The following SMAD1 variants were observed in gnomAD, a reference collection of about 807,000 sequenced individuals.
SMAD1 encodes SMAD family member 1, also known as MAD, mothers against decapentaplegic homolog 1.
In SMAD1, 6 loss-of-function variants were observed where a neutral mutation model predicts 41.6. The observed-to-expected ratio is 0.14, with a 90% CI of 0.08 to 0.28. SMAD1 has a LOEUF of 0.28. Among genes scored for constraint, SMAD1 ranks in the 10% least tolerant of loss-of-function variants. The pLI is 1.00. For synonymous variants in SMAD1, 206 were observed against 203.2 expected (o/e 1.01, Z -0.12); for missense variants, 379 against 582.6 (o/e 0.65, Z 3.60).
At position 145,539,908 on chromosome 4, in the gene SMAD1, A is replaced by G. The variant is rs1386781473; in HGVS notation, c.505A>G (p.Asn169Asp). The G allele has an allele frequency of 6.2e-7, 1 of 1,613,878 alleles. No homozygotes were observed. Among genetic ancestry groups the G allele is most frequent in the African/African-American group, 1.3e-5 (1 of 74,890 alleles). The change falls in exon 3 of 7, where the codon AAC (asparagine) becomes GAC (aspartate). Residue 169 changes from asparagine to aspartate, a missense_variant. Transcript: ENST00000302085. Reference protein sequence around the residue: ...LGQNEPHMPLNATFPDSFQQP... With the variant: ...LGQNEPHMPLDATFPDSFQQP... ...ACAAAATGAGCCTCACATGCCACTC[A>G]ACGCCACTTTTCCAGATTCTTTCCA...
In SMAD1 at chr4:145,482,249, C is replaced by T. The variant is rs1018682549; in HGVS notation, c.-177+211C>T. 6.6e-6 allele frequency among the ~76,000 whole-genome samples: 1 copy of T among 151,484 alleles called. No individual in the cohort carries two copies. Among genetic ancestry groups the T allele is most frequent in the Non-Finnish European group, 1.5e-5 (1 of 67,710 alleles). On this transcript the variant is annotated intron_variant, in intron 1 of 6. Coordinates refer to ENST00000302085, the MANE Select transcript of SMAD1 (RefSeq NM_005900.3). This position sits in a 1 kb window ranked among gnomAD's most constrained non-coding sequence, Gnocchi z 4.2. ...CCCCCCCCCCCCATGATGGCGCCTCCCGTCTGCTCGGAGGAGCGAACCTGC... is the reference window on the plus strand; with the variant it reads ...CCCCCCCCCCCCATGATGGCGCCTCTCGTCTGCTCGGAGGAGCGAACCTGC...
At chr4:145,556,956 G>A (rs764150038) in intron 6 of SMAD1, among the ~76,000 whole-genome samples, 1 of 152,154 alleles carries the variant, frequency 6.6e-6, no homozygotes, top group Non-Finnish European at 1.5e-5. Context: ...GGGATTACAG[G>A]TGTGAGCCAC....
At chr4:145,517,377 C>T (rs1007241613) in intron 2 of SMAD1, among the ~76,000 whole-genome samples, 11 of 152,152 alleles carry the variant, frequency 7.2e-5, no homozygotes, top group Admixed American at 7.2e-4. Flanking sequence ...AGGTCAGTTT[C>T]ATTGGGAAAC....
At chr4:145,481,000 G>A (rs944967324), upstream of SMAD1, among the ~76,000 whole-genome samples, 1 of 145,392 alleles carries the variant, frequency 6.9e-6, no homozygotes, top group Admixed American at 7.0e-5. Context: ...CAACATTATA[G>A]TAATTATGCA....
At chr4:145,523,112 G>C (rs780877010) in intron 2 of SMAD1, among the ~76,000 whole-genome samples, 2 of 152,190 alleles carry the variant, frequency 1.3e-5, no homozygotes, top group Non-Finnish European at 2.9e-5. Flanking sequence ...GCATTATGCC[G>C]TGTGTTCCTG....
chr4:145,492,844 A>G (rs1413029392), intron 1 of SMAD1, among the ~76,000 whole-genome samples: 1 of 152,212 alleles, frequency 6.6e-6, no homozygotes, highest in East Asian at 1.9e-4. Context: ...GCCCAAATAT[A>G]TATTTTACAG....
chr4:145,522,305 A>G (rs1730784275), intron 2 of SMAD1, among the ~76,000 whole-genome samples: 1 of 151,792 alleles, frequency 6.6e-6, no homozygotes, highest in Non-Finnish European at 1.5e-5. Flanking sequence ...TCTCAAAAAA[A>G]CAAACAAAAA....
intron 1 of SMAD1, among the ~76,000 whole-genome samples, chr4:145,488,115 A>G (rs181547391): frequency 1.2e-3 from 185 of 151,530 alleles, no homozygotes; most frequent in Non-Finnish European, 1.8e-3. Context: ...TGTTTGAAAA[A>G]GGAACTTTTT....
chr4:145,502,725 C>T (rs879586682), intron 1 of SMAD1, among the ~76,000 whole-genome samples: 1 of 152,220 alleles, frequency 6.6e-6, no homozygotes, highest in Admixed American at 6.5e-5. Context: ...TCCATAAGTT[C>T]CTTGCTTCCT....
intron 2 of SMAD1, among the ~76,000 whole-genome samples, chr4:145,534,311 T>C (rs1253114168): frequency 6.6e-6 from 1 of 152,274 alleles, no homozygotes; most frequent in Non-Finnish European, 1.5e-5. Flanking sequence ...CAGACCTTCC[T>C]ACATCTTCAG....
chr4:145,499,183 A>G (rs947698682), intron 1 of SMAD1, among the ~76,000 whole-genome samples: 13 of 152,232 alleles, frequency 8.5e-5, no homozygotes, highest in African/African-American at 2.9e-4. Flanking sequence ...CTATAGGTTG[A>G]GCGACCCTAA....
At chr4:145,491,519 G>A (rs1412026513) in intron 1 of SMAD1, among the ~76,000 whole-genome samples, 1 of 152,188 alleles carries the variant, frequency 6.6e-6, no homozygotes, top group Non-Finnish European at 1.5e-5. Flanking sequence ...TGGGGATGAT[G>A]TCTTCCTTTT....
chr4:145,556,968 G>A (rs751503753), intron 6 of SMAD1, among the ~76,000 whole-genome samples: 10 of 152,118 alleles, frequency 6.6e-5, no homozygotes, highest in African/African-American at 1.4e-4. Flanking sequence ...GTGAGCCACC[G>A]CGCCTGGCCC....
chr4:145,540,188 G>C (rs186864970), intron 3 of SMAD1, 127 bp downstream of exon 3: 32 of 1,019,154 alleles, frequency 3.1e-5, no homozygotes, highest in South Asian at 2.6e-4. Context: ...TAGTGCTCTC[G>C]CACTTTTAGG....
intron 1 of SMAD1, among the ~76,000 whole-genome samples, chr4:145,483,586 T>C (rs139198446): frequency 5.9e-5 from 9 of 152,366 alleles, no homozygotes; most frequent in African/African-American, 2.2e-4. Context: ...CAGATCTAAA[T>C]ATGCTGTACT....
At chr4:145,490,687 A>G (rs1728726896) in intron 1 of SMAD1, among the ~76,000 whole-genome samples, 1 of 152,202 alleles carries the variant, frequency 6.6e-6, no homozygotes, top group African/African-American at 2.4e-5. Flanking sequence ...GCAGTAAGCA[A>G]TGAGAATCTT....
At chr4:145,551,395 T>C (rs1578830730) in intron 5 of SMAD1, among the ~76,000 whole-genome samples, 1 of 152,106 alleles carries the variant, frequency 6.6e-6, no homozygotes, top group Non-Finnish European at 1.5e-5. Flanking sequence ...AAAATATGCT[T>C]GATCAGAGAG....
At chr4:145,498,875 T>C (rs185217846) in intron 1 of SMAD1, among the ~76,000 whole-genome samples, 1 of 152,360 alleles carries the variant, frequency 6.6e-6, no homozygotes, top group African/African-American at 2.4e-5. Flanking sequence ...GTTAGGCACC[T>C]GGGTTATTTA....
chr4:145,546,698 T>A lies in SMAD1; in HGVS notation c.776-5T>A. The A allele has an allele frequency of 6.2e-7, 1 of 1,607,724 alleles. No individual in the cohort carries two copies. The highest frequency in any genetic ancestry group is 1.1e-5 in the South Asian group (1 of 90,926). On this transcript the variant is annotated splice_polypyrimidine_tract_variant and splice_region_variant and intron_variant, in intron 4 of 6. Transcript: ENST00000302085. ...TTGGTTGATATAACATTTTCTTTCC[T>A]CTAGATGTTCAGGCGGTTGCTTATG...
Sources: gnomAD v4.1 joint callset for allele counts (sites outside exome capture counted in the v4.1 genomes callset) on GRCh38, gnomAD v4.1.1 for gene constraint, Gnocchi (gnomAD v3.1) non-coding constraint, MANE v1.5 for transcripts, NCBI Gene and HGNC (gene_info 2026-07-23, HGNC 2026-07-21) for gene names.